CAPZA1: variants seen among roughly 807,000 people sequenced by gnomAD.
CAPZA1 encodes the protein capping actin protein of muscle Z-line subunit alpha 1, also known as F-actin-capping protein subunit alpha-1.
Under a neutral mutation model 40.8 loss-of-function variants are expected in CAPZA1, and 10 were observed. The ratio of observed to expected loss-of-function variants is 0.25; its 90% CI spans 0.15 to 0.42. The LOEUF (loss-of-function observed/expected upper bound fraction) is 0.42. Among genes scored for constraint, CAPZA1 ranks in the 10% least tolerant of loss-of-function variants. CAPZA1 has a pLI of 1.00. For synonymous variants in CAPZA1, 98 were observed against 115.0 expected, an observed-to-expected ratio of 0.85 and a Z score of 0.95; for missense variants, 277 against 353.8, an observed-to-expected ratio of 0.78 and a Z score of 1.74.
chr1:112,630,378 C>G (rs1452947183), intron 1 of CAPZA1, among the ~76,000 whole-genome samples: 1 of 151,952 alleles, frequency 6.6e-6, no homozygotes, highest in African/African-American at 2.4e-5. Context: ...GAGTCTCACT[C>G]TTTCGCCCAG....
intron 1 of CAPZA1, among the ~76,000 whole-genome samples, chr1:112,635,530 C>T (rs1013629081): frequency 1.2e-4 from 18 of 148,210 alleles, no homozygotes; most frequent in Admixed American, 2.0e-4. Flanking sequence ...ACTTAAAGTT[C>T]GTTTGTATGT....
At chr1:112,655,968 T>C (rs1022954788) in intron 5 of CAPZA1, among the ~76,000 whole-genome samples, 1 of 152,196 alleles carries the variant, frequency 6.6e-6, no homozygotes, top group Non-Finnish European at 1.5e-5. Context: ...ATTAGAATAT[T>C]TTTTATTTTT....
intron 1 of CAPZA1, among the ~76,000 whole-genome samples, chr1:112,646,351 C>T (rs1040407370): frequency 2.6e-5 from 4 of 152,102 alleles, no homozygotes; most frequent in Admixed American, 1.3e-4. Context: ...AGGCCGAGGC[C>T]AGAGGATCAC....
intron 7 of CAPZA1, among the ~76,000 whole-genome samples, chr1:112,662,395 C>CTTTTTTTTTTTTT (rs35100851): frequency 5.1e-5 from 5 of 97,260 alleles, no homozygotes; most frequent in Admixed American, 1.4e-4. Context: ...TAGAATTTTT[C>CTTTTTTTTTTTTT]TTTTTTTTTT....
chr1:112,664,795 C>T (rs967635855), intron 7 of CAPZA1, among the ~76,000 whole-genome samples: 15 of 152,000 alleles, frequency 9.9e-5, no homozygotes, highest in Admixed American at 8.5e-4. Context: ...GTTAGCCGGG[C>T]GTGGTTGCGG....
chr1:112,669,756 A>G, intron 9 of CAPZA1, 151 bp downstream of exon 9: 2 of 778,466 alleles, frequency 2.6e-6, no homozygotes, highest in Non-Finnish European at 4.2e-6. Context: ...CCAAGTTGGC[A>G]TTCTGCTTAC....
intron 1 of CAPZA1, among the ~76,000 whole-genome samples, chr1:112,638,910 A>ATAGATATAGAT (rs1267835267): frequency 1.4e-5 from 2 of 147,396 alleles, no homozygotes; most frequent in Non-Finnish European, 3.0e-5. Flanking sequence ...AGATATAGAT[A>ATAGATATAGAT]TAGATATAGA....
intron 3 of CAPZA1, among the ~76,000 whole-genome samples, chr1:112,653,079 A>T: frequency 6.6e-6 from 1 of 152,188 alleles, no homozygotes; most frequent in East Asian, 1.9e-4. Flanking sequence ...TCATTTCCAA[A>T]ATAGTGTATC....
intron 5 of CAPZA1, among the ~76,000 whole-genome samples, chr1:112,655,137 C>G (rs1162692626): frequency 6.6e-6 from 1 of 152,152 alleles, no homozygotes; most frequent in African/African-American, 2.4e-5. Context: ...TTTACACAAA[C>G]TACTTCTACA....
At chr1:112,641,970 T>TA (rs1671176255) in intron 1 of CAPZA1, among the ~76,000 whole-genome samples, 1 of 147,270 alleles carries the variant, frequency 6.8e-6, no homozygotes, top group African/African-American at 2.4e-5. Flanking sequence ...TTAACATAGT[T>TA]ATTTGTTGTT....
In CAPZA1 at chr1:112,643,875, C is replaced by CTTTTTTTTTTTTTG. The variant is rs1557731528; in HGVS notation, c.40-3335_40-3334insTTTTTTTTTTTTTG. Among the ~76,000 whole-genome samples, 110 of 152,134 alleles carry CTTTTTTTTTTTTTG rather than the reference C, an allele frequency of 7.2e-4. 1 individual carries two copies. Among genetic ancestry groups the CTTTTTTTTTTTTTG allele is most frequent in the African/African-American group, 2.5e-3 (102 of 41,410 alleles). On this transcript the variant is annotated intron_variant, in intron 1 of 9. Transcript: ENST00000263168. Reference sequence around the variant, plus strand: ...TTTATTTTCTTTTTTGAGACAGTCTCACTCTGTCGCCCAAGCTGGATTGCA... The same window carrying CTTTTTTTTTTTTTG: ...TTTATTTTCTTTTTTGAGACAGTCTCTTTTTTTTTTTTTGACTCTGTCGCCCAAGCTGGATTGCA...
Position 112,664,230 on chromosome 1 carries a change from C to CAA in CAPZA1, c.586-2826_586-2825dup, listed in dbSNP as rs570249032. Among the ~76,000 whole-genome samples, 981 of 110,408 alleles carry CAA rather than the reference C, an allele frequency of 8.9e-3. 8 individuals carry two copies. Among genetic ancestry groups the CAA allele is most frequent in the African/African-American group, 0.031 (899 of 29,472 alleles). The allele number at this position is 110,408 out of a possible 152,430, so 72.4% of individuals were successfully genotyped here. A position where few individuals can be genotyped will look rare whatever the true frequency, so the allele number is the denominator to read the frequency against. On this transcript the variant is annotated intron_variant, in intron 7 of 9. Transcript: ENST00000263168. ...TGGGCGACAGAGCGTGACACTGTCT[C>CAA]AAAAAAAAAAAAAAAAAAAGATACT...
chr1:112,635,636 CCT>C (rs746794934), intron 1 of CAPZA1, among the ~76,000 whole-genome samples: 20 of 152,098 alleles, frequency 1.3e-4, no homozygotes, highest in Non-Finnish European at 2.2e-4. Flanking sequence ...AGGGTTTCCC[CCT>C]GTTAGCCAGC....
intron 1 of CAPZA1, chr1:112,625,951 GA>G (rs1308983665): frequency 6.6e-6 from 1 of 152,550 alleles, no homozygotes. Flanking sequence ...CAAAGACAGT[GA>G]GCATTTCCAG....
At chr1:112,628,482 A>G (rs1416085993) in intron 1 of CAPZA1, among the ~76,000 whole-genome samples, 1 of 152,240 alleles carries the variant, frequency 6.6e-6, no homozygotes, top group African/African-American at 2.4e-5. Flanking sequence ...CAGATAGGTC[A>G]GGAACATGGG....
chr1:112,653,724 C>A, intron 4 of CAPZA1, 63 bp downstream of exon 4: 3 of 1,095,606 alleles, frequency 2.7e-6, no homozygotes, highest in African/African-American at 1.6e-5. Flanking sequence ...TAATGGAAAC[C>A]AAAGCAGATG....
chr1:112,667,651 A>G (rs1671748890), intron 8 of CAPZA1, among the ~76,000 whole-genome samples: 2 of 152,126 alleles, frequency 1.3e-5, no homozygotes, highest in Admixed American at 1.3e-4. Flanking sequence ...CTCCCACCTC[A>G]GCCTCCCAAG....
chr1:112,653,556 T>C (rs372877868), intron 3 of CAPZA1, 42 bp from the exon 4 acceptor site: 2 of 1,208,236 alleles, frequency 1.7e-6, no homozygotes, highest in East Asian at 2.5e-5. Flanking sequence ...TCTCTCTCCC[T>C]CTTTTTTTTT....
rs1671831523 is a variant in CAPZA1, at chr1:112,671,424, G to A, written c.*1292G>A. 6.6e-6 allele frequency: 1 copy of A among 152,606 alleles called. No homozygotes were observed. The highest frequency in any genetic ancestry group is 2.4e-5 in the African/African-American group (1 of 41,450). The allele number at this position is 152,606 out of a possible 1,614,324, so 9.5% of individuals were successfully genotyped here. On this transcript the variant is annotated 3_prime_UTR_variant, in exon 10 of 10. Transcript: ENST00000263168. ...ACATGTCAAAAAAAGAAAGGTGTTT[G>A]TGCTTCCGTTTTGTTTCTGCTCAGT...
Sources: gnomAD v4.1 joint callset for allele counts (sites outside exome capture counted in the v4.1 genomes callset) on GRCh38, gnomAD v4.1.1 for gene constraint, MANE v1.5 for transcripts, NCBI Gene and HGNC (gene_info 2026-07-23, HGNC 2026-07-21) for gene names.